Variants in VAV3 observed in about 807,000 individuals in gnomAD.
The protein encoded by VAV3 is guanine nucleotide exchange factor VAV3.
Under a neutral mutation model 131.2 loss-of-function variants are expected in VAV3, and 94 were observed. The observed-to-expected ratio is 0.72, with a 90% CI of 0.61 to 0.85. The LOEUF is 0.85. Ranked by LOEUF, VAV3 falls within the 40% of genes least tolerant of loss-of-function variation. The probability of loss-of-function intolerance (pLI) is 0.00; values close to 1 mark genes in which losing one functional copy is unlikely to be tolerated. For missense variants in VAV3, 939 were observed against 1,002.7 expected, an observed-to-expected ratio of 0.94 and a Z score of 0.86; for synonymous variants, 349 against 342.0, an observed-to-expected ratio of 1.02 and a Z score of -0.22.
intron 19 of VAV3, chr1:107,673,713 T>C (rs1657985330): frequency 6.6e-6 from 1 of 152,106 alleles, no homozygotes; most frequent in Non-Finnish European, 1.5e-5. Context: ...ACAAATTCGC[T>C]CAATGAAACA....
At chr1:107,601,156 C>G (rs993339632) in intron 24 of VAV3, among the ~76,000 whole-genome samples, 6 of 152,180 alleles carry the variant, frequency 3.9e-5, no homozygotes, top group Admixed American at 2.0e-4. Context: ...GTCCAATTCT[C>G]TCTGTGCTCA....
chr1:107,915,040 G>A (rs560941532), intron 1 of VAV3, among the ~76,000 whole-genome samples: 1 of 152,298 alleles, frequency 6.6e-6, no homozygotes, highest in African/African-American at 2.4e-5. Flanking sequence ...ATAAAGGTAG[G>A]AATGTATCTG....
chr1:107,900,281 G>T (rs1291816520), intron 1 of VAV3, among the ~76,000 whole-genome samples: 3 of 152,146 alleles, frequency 2.0e-5, no homozygotes, highest in Non-Finnish European at 4.4e-5. Context: ...TATATCCATA[G>T]TATACTTTGT....
At chr1:107,738,405 A>C (rs1393297298) in intron 15 of VAV3, among the ~76,000 whole-genome samples, 1 of 152,236 alleles carries the variant, frequency 6.6e-6, no homozygotes, top group Non-Finnish European at 1.5e-5. Flanking sequence ...TGCAAACTTC[A>C]CAAGAGAAGT....
intron 24 of VAV3, among the ~76,000 whole-genome samples, chr1:107,597,151 T>G (rs1397871308): frequency 6.6e-6 from 1 of 151,344 alleles, no homozygotes; most frequent in Non-Finnish European, 1.5e-5. Flanking sequence ...ATATCTGAAA[T>G]GAAAATAAAC....
intron 1 of VAV3, among the ~76,000 whole-genome samples, chr1:107,883,517 GTCA>G (rs2101041054): frequency 6.6e-6 from 1 of 152,198 alleles, no homozygotes; most frequent in South Asian, 2.1e-4. Context: ...ACATTAAATT[GTCA>G]TCATATCTTC....
chr1:107,595,286 G>C (rs780714464), intron 25 of VAV3, among the ~76,000 whole-genome samples: 20 of 152,078 alleles, frequency 1.3e-4, no homozygotes, highest in Non-Finnish European at 2.1e-4. Flanking sequence ...TACTTGAATT[G>C]AAATGTATAA....
At chr1:107,671,939 C>T (rs1346213438) in intron 19 of VAV3, among the ~76,000 whole-genome samples, 1 of 152,050 alleles carries the variant, frequency 6.6e-6, no homozygotes, top group Non-Finnish European at 1.5e-5. Flanking sequence ...ACAAAAAGTA[C>T]ACAATATAAT....
chr1:107,900,827 T>C (rs1054014182), intron 1 of VAV3, among the ~76,000 whole-genome samples: 17 of 152,302 alleles, frequency 1.1e-4, no homozygotes, highest in African/African-American at 3.8e-4. Context: ...AAACTATTTG[T>C]GGTAGTGGTG....
At chr1:107,952,014 C>T (rs968609181) in intron 1 of VAV3, among the ~76,000 whole-genome samples, 5 of 152,044 alleles carry the variant, frequency 3.3e-5, no homozygotes, top group South Asian at 2.1e-4. Flanking sequence ...TAAAGACACA[C>T]GTACACATAT....
chr1:107,842,123 C>T (rs1668740438), intron 2 of VAV3, among the ~76,000 whole-genome samples: 1 of 152,068 alleles, frequency 6.6e-6, no homozygotes, highest in Non-Finnish European at 1.5e-5. Context: ...TACTGAAAAA[C>T]AATTTCTAGC....
At chr1:107,731,562 A>G (rs1354738735) in intron 15 of VAV3, among the ~76,000 whole-genome samples, 2 of 152,196 alleles carry the variant, frequency 1.3e-5, no homozygotes, top group Non-Finnish European at 2.9e-5. Flanking sequence ...TAACAGACAA[A>G]GAATTTAAAC....
At chr1:107,780,679 C>T (rs1044625887) in intron 2 of VAV3, among the ~76,000 whole-genome samples, 1 of 152,030 alleles carries the variant, frequency 6.6e-6, no homozygotes, top group African/African-American at 2.4e-5. Context: ...CCATGCCTGG[C>T]TAATGTTTGT....
chr1:107,757,469 C>T, intron 10 of VAV3, 140 bp from the exon 11 acceptor site: 14 of 728,214 alleles, frequency 1.9e-5, no homozygotes, highest in Non-Finnish European at 2.9e-5. Context: ...GGCTCCATTT[C>T]CATCAAAAAT....
chr1:107,610,640 T>C (rs1261825592), intron 21 of VAV3, among the ~76,000 whole-genome samples: 1 of 152,246 alleles, frequency 6.6e-6, no homozygotes, highest in African/African-American at 2.4e-5. Flanking sequence ...TTGTTTCACA[T>C]AGAGCTTCGC....
At chr1:107,793,712 TATG>T (rs971550931) in intron 2 of VAV3, among the ~76,000 whole-genome samples, 23 of 152,192 alleles carry the variant, frequency 1.5e-4, no homozygotes, top group African/African-American at 5.1e-4. Flanking sequence ...TTATTTATAT[TATG>T]ATAAGCCAAT....
At chr1:107,774,083 G>T (rs1359842019) in intron 4 of VAV3, among the ~76,000 whole-genome samples, 1 of 152,002 alleles carries the variant, frequency 6.6e-6, no homozygotes, top group African/African-American at 2.4e-5. Flanking sequence ...GTTGTTGTTT[G>T]GGGGACAGAG....
chr1:107,725,404 G>A (rs1661779704), intron 15 of VAV3, among the ~76,000 whole-genome samples: 1 of 152,158 alleles, frequency 6.6e-6, no homozygotes, highest in Non-Finnish European at 1.5e-5. Context: ...GTGGAAATAT[G>A]CAGCCGAAAG....
rs1165504165 is a variant in VAV3, at chr1:107,596,320, G to A, written c.2242C>T (p.His748Tyr). 6.2e-7 allele frequency: 1 copy of A among 1,613,130 alleles called. No individual in the cohort carries two copies. Among genetic ancestry groups the A allele is most frequent in the Non-Finnish European group, 8.5e-7 (1 of 1,179,416 alleles). Residue 748 changes from histidine to tyrosine, a missense_variant, in exon 25 of 27, where the codon CAT (histidine) becomes TAT (tyrosine). By Grantham distance (83) the His-to-Tyr change is moderately conservative. Coordinates refer to ENST00000370056, the MANE Select transcript of VAV3 (RefSeq NM_006113.5). ...SLMELVEYYK[H>Y]HSLKEGFRTL... ...CTGAACCCTTCCTTGAGAGAATGAT[G>A]CTTGTAGTACTCCACAAGTTCCTTT... is the stretch of plus-strand genomic sequence containing the variant.
Sources: allele counts gnomAD v4.1 joint callset (sites outside exome capture counted in the v4.1 genomes callset), GRCh38; gene constraint gnomAD v4.1.1; transcripts MANE v1.5; gene names NCBI Gene and HGNC (gene_info 2026-07-23, HGNC 2026-07-21).